The following CACNA2D3 variants were observed in gnomAD, a reference collection of about 807,000 sequenced individuals.
CACNA2D3 encodes calcium voltage-gated channel auxiliary subunit alpha2delta 3.
Under a neutral mutation model 160.6 loss-of-function variants are expected in CACNA2D3, and 60 were observed. The ratio of observed to expected loss-of-function variants is 0.37; its 90% confidence interval spans 0.30 to 0.46. The LOEUF (loss-of-function observed/expected upper bound fraction) is 0.46. CACNA2D3 is among the 20% of genes least tolerant of loss of function. CACNA2D3 has a pLI of 1.00. For missense variants in CACNA2D3, 1,205 were observed against 1,365.0 expected (o/e 0.88, Z 1.85); for synonymous variants, 558 against 492.9 (o/e 1.13, Z -1.75).
intron 13 of CACNA2D3, among the ~76,000 whole-genome samples, chr3:54,807,625 A>C (rs1294350177): frequency 1.3e-5 from 2 of 151,614 alleles, no homozygotes; most frequent in Non-Finnish European, 3.0e-5. Flanking sequence ...AACTAGTTCA[A>C]CCATTGTGGA....
chr3:54,463,051 A>G (rs1294396471), intron 4 of CACNA2D3, among the ~76,000 whole-genome samples: 4 of 151,558 alleles, frequency 2.6e-5, no homozygotes, highest in African/African-American at 9.7e-5. Context: ...GTTTGGCTGG[A>G]TATGAAATTC....
intron 11 of CACNA2D3, among the ~76,000 whole-genome samples, chr3:54,662,803 G>A (rs17054250): frequency 0.17 from 25,162 of 152,232 alleles, 2,361 homozygotes; most frequent in Non-Finnish European, 0.21. Context: ...ATGTGGAAGC[G>A]GAAATTCAGT....
chr3:54,422,649 G>T (rs1385960561), intron 4 of CACNA2D3, among the ~76,000 whole-genome samples: 1 of 152,084 alleles, frequency 6.6e-6, no homozygotes, highest in Non-Finnish European at 1.5e-5. Flanking sequence ...TTAACAATCA[G>T]TTGGCAAAAT....
At chr3:54,176,594 C>T (rs1014943275) in intron 2 of CACNA2D3, among the ~76,000 whole-genome samples, 1 of 152,218 alleles carries the variant, frequency 6.6e-6, no homozygotes, top group Admixed American at 6.5e-5. Context: ...CTGTTTCCCA[C>T]GTGAGTCTGT....
At chr3:54,763,861 A>ATATATACGTATATATACG (rs1467265690) in intron 12 of CACNA2D3, among the ~76,000 whole-genome samples, 1 of 28,466 alleles carries the variant, frequency 3.5e-5, no homozygotes, top group African/African-American at 1.8e-4. Context: ...ATATATACAT[A>ATATATACGTATATATACG]TATATATACG....
chr3:54,578,121 G>C (rs1039953835), intron 8 of CACNA2D3, among the ~76,000 whole-genome samples: 4 of 152,154 alleles, frequency 2.6e-5, no homozygotes, highest in African/African-American at 9.7e-5. Context: ...TAACCACTTG[G>C]GCAGAAAGGG....
At chr3:54,364,412 G>A (rs1352027634) in intron 3 of CACNA2D3, among the ~76,000 whole-genome samples, 5 of 152,274 alleles carry the variant, frequency 3.3e-5, no homozygotes, top group South Asian at 2.1e-4. Flanking sequence ...AAAATGTTTT[G>A]TAGGCTTTAA....
intron 35 of CACNA2D3, among the ~76,000 whole-genome samples, chr3:55,057,764 T>G (rs780987409): frequency 2.6e-4 from 40 of 152,190 alleles, no homozygotes; most frequent in South Asian, 4.1e-4. Flanking sequence ...CACCTCCATT[T>G]TTTTCTTCCC....
At chr3:54,848,971 G>T (rs1169312921) in intron 17 of CACNA2D3, among the ~76,000 whole-genome samples, 2 of 152,178 alleles carry the variant, frequency 1.3e-5, no homozygotes, top group African/African-American at 4.8e-5. Context: ...ATTTTCTATT[G>T]TTCTGTCCTC....
chr3:55,020,676 C>T (rs1703428254), intron 35 of CACNA2D3, among the ~76,000 whole-genome samples: 2 of 151,706 alleles, frequency 1.3e-5, no homozygotes, highest in African/African-American at 4.8e-5. Context: ...ATGGTGAAAC[C>T]CTGCCTCTAC....
chr3:54,498,159 AT>A (rs1310218997), intron 4 of CACNA2D3, among the ~76,000 whole-genome samples: 3 of 151,126 alleles, frequency 2.0e-5, no homozygotes, highest in African/African-American at 4.9e-5. Context: ...GATTGTTTGT[AT>A]TTTTTTCTCA....
rs1160950099 is a variant in CACNA2D3, at chr3:54,736,042, TATACACATAC to T, written c.1168-16553_1168-16544del. Among the ~76,000 whole-genome samples the T allele has an allele frequency of 6.3e-5, 3 of 47,840 alleles. 1 individual carries two copies. In the South Asian group the frequency reaches 1.9e-3, roughly 30 times the overall value. The allele number at this position is 47,840 out of a possible 152,430, so 31.4% of individuals were successfully genotyped here. A position where few individuals can be genotyped will look rare whatever the true frequency, so the allele number is the denominator to read the frequency against. Reference sequence around the variant, plus strand: ...ACACATACATATATATATGTATATATATACACATACATATGTATGTATATATATATACATA... The same window carrying T: ...ACACATACATATATATATGTATATATATATGTATGTATATATATATACATA... On this transcript the variant is annotated intron_variant, in intron 11 of 37. Transcript: ENST00000474759.
intron 2 of CACNA2D3, among the ~76,000 whole-genome samples, chr3:54,317,578 C>A (rs1703891944): frequency 6.6e-6 from 1 of 152,032 alleles, no homozygotes; most frequent in Non-Finnish European, 1.5e-5. Flanking sequence ...GGTCTTGTTG[C>A]CCAGGCTGGA....
chr3:54,278,170 G>C (rs1702788563), intron 2 of CACNA2D3, among the ~76,000 whole-genome samples: 1 of 152,146 alleles, frequency 6.6e-6, no homozygotes, highest in Non-Finnish European at 1.5e-5. Context: ...CCATCAAAAA[G>C]TGGGCAAAGG....
intron 2 of CACNA2D3, among the ~76,000 whole-genome samples, chr3:54,196,883 C>T (rs187815975): frequency 5.9e-5 from 9 of 152,162 alleles, no homozygotes; most frequent in South Asian, 2.1e-4. Flanking sequence ...ACATTATCGA[C>T]GGAAGATAAA....
intron 14 of CACNA2D3, among the ~76,000 whole-genome samples, chr3:54,822,768 TTCTTTCTTTCTTTCTTTCTTTCC>T (rs1703643759): frequency 1.1e-5 from 1 of 90,542 alleles, no homozygotes; most frequent in African/African-American, 4.6e-5. Context: ...CTTTCTTTCT[TTCTTTCTTTCTTTCTTTCTTTCC>T]TTTCTTTCTT....
At chr3:54,358,903 T>C (rs140009215) in intron 3 of CACNA2D3, among the ~76,000 whole-genome samples, 2 of 152,290 alleles carry the variant, frequency 1.3e-5, no homozygotes, top group East Asian at 3.9e-4. Context: ...AGGACAATTT[T>C]TTTTCCTCCC....
intron 11 of CACNA2D3, among the ~76,000 whole-genome samples, chr3:54,715,533 A>T (rs1017839390): frequency 3.3e-5 from 5 of 151,876 alleles, no homozygotes; most frequent in South Asian, 4.2e-4. Context: ...GGAGGTAGAG[A>T]GGAGGCCTGA....
chr3:54,346,824 G>T (rs914272016), intron 3 of CACNA2D3, among the ~76,000 whole-genome samples: 1 of 152,124 alleles, frequency 6.6e-6, no homozygotes, highest in Non-Finnish European at 1.5e-5. Flanking sequence ...CTAAAAATCT[G>T]CTGTGCTCTT....
Sources: gnomAD v4.1 joint callset for allele counts (sites outside exome capture counted in the v4.1 genomes callset) on GRCh38, gnomAD v4.1.1 for gene constraint, MANE v1.5 for transcripts, NCBI Gene and HGNC (gene_info 2026-07-23, HGNC 2026-07-21) for gene names.